Variants in PTPRD observed in about 807,000 individuals in gnomAD.
PTPRD encodes receptor-type tyrosine-protein phosphatase delta.
A neutral mutation model predicts 214.5 loss-of-function variants in PTPRD; 34 were observed. The ratio of observed to expected loss-of-function variants is 0.16; its 90% CI spans 0.12 to 0.21. The LOEUF is 0.21. Ranked by LOEUF, PTPRD falls within the 10% of genes least tolerant of loss-of-function variation. The pLI is 1.00. For missense variants in PTPRD, 2,545 were observed against 2,398.7 expected, an observed-to-expected ratio of 1.06 and a Z score of -1.27; for synonymous variants, 1,128 against 845.7, an observed-to-expected ratio of 1.33 and a Z score of -5.79.
intron 12 of PTPRD, among the ~76,000 whole-genome samples, chr9:8,725,928 G>T: frequency 6.6e-6 from 1 of 151,856 alleles, no homozygotes; most frequent in African/African-American, 2.4e-5. Context: ...GAATTCTGAA[G>T]ATAGATTACA....
At chr9:8,796,430 A>T (rs2096425108) in intron 11 of PTPRD, among the ~76,000 whole-genome samples, 2 of 152,148 alleles carry the variant, frequency 1.3e-5, no homozygotes, top group African/African-American at 4.8e-5. Flanking sequence ...GTCCCACTAA[A>T]TTACAATTAT....
chr9:10,483,509 A>T (rs193150687), intron 2 of PTPRD, among the ~76,000 whole-genome samples: 64 of 152,294 alleles, frequency 4.2e-4, no homozygotes, highest in African/African-American at 1.5e-3. Flanking sequence ...AATGAAAAAA[A>T]AAATTGTCAA....
chr9:10,522,362 A>G (rs1249849633), intron 2 of PTPRD, among the ~76,000 whole-genome samples: 4 of 152,170 alleles, frequency 2.6e-5, no homozygotes, highest in African/African-American at 9.6e-5. Flanking sequence ...GTGCTTATAT[A>G]TGATAATTCA....
At chr9:9,452,307 T>A (rs12378742) in intron 8 of PTPRD, among the ~76,000 whole-genome samples, 23,047 of 151,338 alleles carry the variant, frequency 0.15, 1,855 homozygotes, top group Middle Eastern at 0.29. Flanking sequence ...TCTATACTCA[T>A]TAAAAATATC....
intron 2 of PTPRD, among the ~76,000 whole-genome samples, chr9:10,444,341 G>A (rs1051170273): frequency 6.6e-5 from 10 of 151,612 alleles, no homozygotes; most frequent in Admixed American, 1.3e-4. Context: ...AGAAGAATAC[G>A]GCCTATTTGA....
At chr9:9,830,132 C>A (rs1026742636) in intron 5 of PTPRD, among the ~76,000 whole-genome samples, 2 of 151,432 alleles carry the variant, frequency 1.3e-5, no homozygotes, top group Non-Finnish European at 3.0e-5. Flanking sequence ...TCATATATAT[C>A]TTTTTACTTA....
intron 8 of PTPRD, among the ~76,000 whole-genome samples, chr9:9,416,833 G>T (rs1569568129): frequency 6.6e-6 from 1 of 152,052 alleles, no homozygotes; most frequent in African/African-American, 2.4e-5. Flanking sequence ...AGCTTCTGTT[G>T]GTTCAAATCC....
intron 2 of PTPRD, among the ~76,000 whole-genome samples, chr9:10,395,667 G>C (rs2098154739): frequency 6.6e-6 from 1 of 151,782 alleles, no homozygotes; most frequent in South Asian, 2.1e-4. Flanking sequence ...TCACCTCTCA[G>C]GGCCAAATTA....
At chr9:9,599,757 AT>A (rs2093619702) in intron 7 of PTPRD, among the ~76,000 whole-genome samples, 1 of 152,006 alleles carries the variant, frequency 6.6e-6, no homozygotes, top group South Asian at 2.1e-4. Flanking sequence ...GCACATCTCT[AT>A]TAGCAAACAC....
At chr9:8,651,399 T>G (rs980899614) in intron 12 of PTPRD, among the ~76,000 whole-genome samples, 17 of 152,176 alleles carry the variant, frequency 1.1e-4, no homozygotes, top group Non-Finnish European at 1.5e-5. Flanking sequence ...GAACTAACTC[T>G]GTCCACACAG....
chr9:10,083,956 A>G (rs1178656016), intron 3 of PTPRD, among the ~76,000 whole-genome samples: 3 of 151,960 alleles, frequency 2.0e-5, no homozygotes, highest in Non-Finnish European at 4.4e-5. Flanking sequence ...AGTTGGGGAC[A>G]CCTGAATAGA....
intron 12 of PTPRD, among the ~76,000 whole-genome samples, chr9:8,729,899 C>G (rs111430347): frequency 2.0e-5 from 3 of 152,340 alleles, no homozygotes; most frequent in African/African-American, 4.8e-5. Context: ...ACTCCATGGT[C>G]TACAGTGATA....
At chr9:10,510,197 C>G (rs1170736683) in intron 2 of PTPRD, among the ~76,000 whole-genome samples, 2 of 152,010 alleles carry the variant, frequency 1.3e-5, no homozygotes, top group Non-Finnish European at 2.9e-5. Flanking sequence ...AGTTTCATTC[C>G]TTTCTTTCCC....
Position 9,514,985 on chromosome 9 carries a change from A to G in PTPRD, c.-237+59747T>C, listed in dbSNP as rs547259945. ...TTTTAAAAATGCCAAACCTTCATCA[A>G]TGCAAGAGGTCATGAACCATTTTAT... On this transcript the variant is annotated intron_variant, in intron 8 of 45. Transcript: ENST00000381196. 6.6e-5 allele frequency among the ~76,000 whole-genome samples: 10 copies of G among 152,198 alleles called. No homozygotes were observed. The South Asian group carries it at 1.9e-3, about 28-fold the overall frequency.
At chr9:8,370,713 C>A (rs557784449) in intron 39 of PTPRD, among the ~76,000 whole-genome samples, 1 of 152,090 alleles carries the variant, frequency 6.6e-6, no homozygotes, top group East Asian at 1.9e-4. Context: ...GAAGGCTTGA[C>A]AGAGAAATCA....
At chr9:10,073,950 G>T (rs558155538) in intron 3 of PTPRD, among the ~76,000 whole-genome samples, 2 of 152,122 alleles carry the variant, frequency 1.3e-5, no homozygotes, top group Non-Finnish European at 2.9e-5. Flanking sequence ...AGCATAGCTA[G>T]AAAATTGAAT....
chr9:9,890,404 G>T (rs1392988218), intron 5 of PTPRD, among the ~76,000 whole-genome samples: 3 of 151,766 alleles, frequency 2.0e-5, no homozygotes, highest in East Asian at 1.9e-4. Context: ...TTCCTATGTT[G>T]CCCAGGCTGG....
chr9:9,616,583 G>A (rs184850657), intron 7 of PTPRD, among the ~76,000 whole-genome samples: 1 of 152,190 alleles, frequency 6.6e-6, no homozygotes, highest in East Asian at 1.9e-4. Context: ...CATGACTTCT[G>A]ATCTTATTCG....
intron 8 of PTPRD, among the ~76,000 whole-genome samples, chr9:9,524,074 C>T (rs1244671535): frequency 6.6e-6 from 1 of 152,062 alleles, no homozygotes; most frequent in African/African-American, 2.4e-5. Flanking sequence ...CTGTGGGTTT[C>T]TAGGCTGGGG....
Sources: allele counts gnomAD v4.1 joint callset (sites outside exome capture counted in the v4.1 genomes callset), GRCh38; gene constraint gnomAD v4.1.1; transcripts MANE v1.5; gene names NCBI Gene and HGNC (gene_info 2026-07-23, HGNC 2026-07-21).